CHD7: variants seen among roughly 807,000 people sequenced by gnomAD.
CHD7 encodes the protein chromodomain helicase DNA binding protein 7.
Under a neutral mutation model 307.3 loss-of-function variants are expected in CHD7, and 24 were observed. The ratio of observed to expected loss-of-function variants is 0.08; its 90% CI spans 0.06 to 0.11. The LOEUF is 0.11. Among genes scored for constraint, CHD7 ranks in the 10% least tolerant of loss-of-function variants. CHD7 has a pLI of 1.00. For synonymous variants in CHD7, 1,363 were observed against 1,349.9 expected (o/e 1.01, Z -0.21); for missense variants, 3,106 against 3,727.1 (o/e 0.83, Z 4.34).
At position 60,865,006 on chromosome 8, in the gene CHD7, T is replaced by C. The variant is rs763792709; in HGVS notation, c.8077-10T>C. ...CTTTATAGCCACTGTTTGCCTCCCC[T>C]GTACTCCAGGGTTTTGTTCCTGAGT... is the stretch of plus-strand genomic sequence containing the variant. On this transcript the variant is annotated splice_polypyrimidine_tract_variant and intron_variant, in intron 37 of 37. Coordinates refer to ENST00000423902, the MANE Select transcript of CHD7 (RefSeq NM_017780.4). This position sits in a 1 kb window ranked among gnomAD's most constrained non-coding sequence, Gnocchi z 4.3. 3 of 1,580,196 alleles carry C rather than the reference T, an allele frequency of 1.9e-6. No individual in the cohort carries two copies. The highest frequency in any genetic ancestry group is 2.6e-6 in the Non-Finnish European group (3 of 1,160,522).
rs1389520676 is a variant in CHD7 at position 60,866,935 on chromosome 8, G to C, written c.*1002G>C. 6.6e-6 allele frequency: 1 copy of C among 152,366 alleles called. No homozygotes were observed. The highest frequency in any genetic ancestry group is 1.5e-5 in the Non-Finnish European group (1 of 68,034). 9.4% of individuals were successfully genotyped at this position (152,366 alleles called of 1,614,324 possible). On this transcript the variant is annotated 3_prime_UTR_variant, in exon 38 of 38. Transcript: ENST00000423902. ...TAGAATGTAGTATATAGGGAAACTGGTGTTCACTCTATTTTTTTTGTATTC... is the reference window on the plus strand; with the variant it reads ...TAGAATGTAGTATATAGGGAAACTGCTGTTCACTCTATTTTTTTTGTATTC...
chr8:60,777,731 T>C (rs1811020981), intron 2 of CHD7, among the ~76,000 whole-genome samples: 1 of 152,244 alleles, frequency 6.6e-6, no homozygotes, highest in African/African-American at 2.4e-5. Flanking sequence ...CTTATGGTAA[T>C]GTTTTCAACA....
intron 2 of CHD7, among the ~76,000 whole-genome samples, chr8:60,775,702 C>A (rs958729308): frequency 6.6e-6 from 1 of 152,198 alleles, no homozygotes; most frequent in Non-Finnish European, 1.5e-5. Flanking sequence ...CCCCTTTCCT[C>A]AGTCTATTAA....
At position 60,865,068 on chromosome 8, in the gene CHD7, G is replaced by T; in HGVS notation, c.8129G>T (p.Arg2710Leu). ...CGCCTTCTCACTGGGCCTGTAGTGCGGGGAGAGGGAGCGAGCAGAAGAGGA... is the reference window on the plus strand; with the variant it reads ...CGCCTTCTCACTGGGCCTGTAGTGCTGGGAGAGGGAGCGAGCAGAAGAGGA... ...FDRLLTGPVV[R>L]GEGASRRGRR... Residue 2710 changes from arginine to leucine, a missense_variant, in exon 38 of 38, where the codon CGG (arginine) becomes CTG (leucine). Around this residue, in one of 10 missense-constraint regions of CHD7, gnomAD observed 351 missense variants for 366.2 expected, o/e 0.96. Transcript: ENST00000423902. This position sits in a 1 kb window ranked among gnomAD's most constrained non-coding sequence, Gnocchi z 4.3. 6.2e-7 allele frequency: 1 copy of T among 1,609,698 alleles called. No homozygotes were observed. Among genetic ancestry groups the T allele is most frequent in the East Asian group, 2.2e-5 (1 of 44,744 alleles).
intron 8 of CHD7, among the ~76,000 whole-genome samples, chr8:60,817,211 A>T (rs1803790129): frequency 6.6e-6 from 1 of 152,224 alleles, no homozygotes; most frequent in Admixed American, 6.5e-5. Flanking sequence ...TAGATAAAAG[A>T]AAAACCCTAA....
intron 2 of CHD7, among the ~76,000 whole-genome samples, chr8:60,770,694 A>G (rs1368747886): frequency 6.6e-6 from 1 of 151,880 alleles, no homozygotes; most frequent in African/African-American, 2.4e-5. Context: ...CCCTGTGATG[A>G]TTTACATGGT....
intron 2 of CHD7, among the ~76,000 whole-genome samples, chr8:60,762,684 G>T (rs768839807): frequency 6.6e-6 from 1 of 152,200 alleles, no homozygotes; most frequent in Non-Finnish European, 1.5e-5. Flanking sequence ...CTAGGACTCT[G>T]TTTTTGCTAG....
Position 60,695,576 on chromosome 8 carries a change from T to G in CHD7, c.-175+16494T>G, listed in dbSNP as rs1806426174. Among the ~76,000 whole-genome samples the G allele has an allele frequency of 2.0e-5, 3 of 152,352 alleles. No homozygotes were observed. In the South Asian group the frequency reaches 6.2e-4, roughly 32 times the overall value. On this transcript the variant is annotated intron_variant, in intron 1 of 37. Coordinates refer to ENST00000423902, the MANE Select transcript of CHD7 (RefSeq NM_017780.4). The stretch of plus-strand genomic sequence containing the variant: ...GGAAGCATTGTCTCATGTTTGATGC[T>G]TTAGCAACTCTAATACTTGTGTATG...
rs764021765 is a variant in CHD7 at position 60,865,197 on chromosome 8, T to C, written c.8258T>C (p.Met2753Thr). 7.4e-6 allele frequency: 12 copies of C among 1,611,620 alleles called. No individual in the cohort carries two copies. The South Asian group carries it at 1.3e-4, about 18-fold the overall frequency. ...CTGGTGAACAGCCTGTTTGCTGGAA[T>C]GGACCTGACGAGCCTTCAGAATCTC... ...PLLVNSLFAGMDLTSLQNLQN... is the reference protein window; with the variant it reads ...PLLVNSLFAGTDLTSLQNLQN... The change falls in exon 38 of 38, where the codon ATG (methionine) becomes ACG (threonine). Residue 2753 changes from methionine to threonine, a missense_variant. Transcript: ENST00000423902. The surrounding 1 kb of genome is among the most constrained non-coding windows in gnomAD (Gnocchi z 4.3).
At chr8:60,727,040 G>A (rs902595841) in intron 1 of CHD7, among the ~76,000 whole-genome samples, 4 of 152,166 alleles carry the variant, frequency 2.6e-5, no homozygotes, top group Non-Finnish European at 2.9e-5. Flanking sequence ...AGTGGCAGAC[G>A]TTGTAAATGC....
chr8:60,737,111 G>A (rs150341975), intron 1 of CHD7, among the ~76,000 whole-genome samples: 2 of 151,968 alleles, frequency 1.3e-5, no homozygotes, highest in East Asian at 1.9e-4. Context: ...TTGCGCACCC[G>A]TTGCTTTTAT....
At chr8:60,768,087 A>G (rs1391930157) in intron 2 of CHD7, among the ~76,000 whole-genome samples, 1 of 152,102 alleles carries the variant, frequency 6.6e-6, no homozygotes, top group Non-Finnish European at 1.5e-5. Context: ...TAGTTTTTCA[A>G]ATCAATTTTA....
intron 3 of CHD7, among the ~76,000 whole-genome samples, chr8:60,787,349 C>G (rs1323488071): frequency 6.6e-6 from 1 of 152,146 alleles, no homozygotes; most frequent in Non-Finnish European, 1.5e-5. Flanking sequence ...AGTCCCCCTT[C>G]CTACTTCATA....
intron 21 of CHD7, among the ~76,000 whole-genome samples, chr8:60,842,518 G>A (rs183789169): frequency 6.6e-6 from 1 of 152,298 alleles, no homozygotes; most frequent in Non-Finnish European, 1.5e-5. Flanking sequence ...TTGTGAAAGT[G>A]TTGTATTTTT....
intron 6 of CHD7, among the ~76,000 whole-genome samples, chr8:60,805,552 A>G (rs1347557978): frequency 6.6e-6 from 1 of 152,206 alleles, no homozygotes; most frequent in East Asian, 1.9e-4. Context: ...GATCATGACA[A>G]GAAAATGGGT....
At chr8:60,809,094 T>C (rs2150725635) in intron 7 of CHD7, among the ~76,000 whole-genome samples, 1 of 152,334 alleles carries the variant, frequency 6.6e-6, no homozygotes, top group East Asian at 1.9e-4. Context: ...TCAGAAAATT[T>C]ACCCCACCCT....
rs1010032031 is a variant in CHD7, at chr8:60,742,378, A to G, written c.946A>G (p.Ser316Gly). Residue 316 changes from serine to glycine, a missense_variant, in exon 2 of 38, where the codon AGT (serine) becomes GGT (glycine). By Grantham distance (56) the Ser-to-Gly change is moderately conservative. This residue lies in a region of CHD7 where 998 missense variants were observed against 1,004.5 expected (regional missense o/e 0.99). Transcript: ENST00000423902. ...NSGQYSRYPY[S>G]NLNQGLVNNT... is the part of the protein sequence containing the mutation. ...AGGGCAGTATTCTCGATATCCTTACAGTAACCTAAATCAGGGATTAGTTAA... is the reference window on the plus strand; with the variant it reads ...AGGGCAGTATTCTCGATATCCTTACGGTAACCTAAATCAGGGATTAGTTAA... 7 of 1,613,990 alleles carry G rather than the reference A, an allele frequency of 4.3e-6. No homozygotes were observed. Among genetic ancestry groups the G allele is most frequent in the Middle Eastern group, 1.6e-4 (1 of 6,062 alleles).
At chr8:60,690,842 A>C (rs1806158081) in intron 1 of CHD7, among the ~76,000 whole-genome samples, 1 of 152,158 alleles carries the variant, frequency 6.6e-6, no homozygotes, top group South Asian at 2.1e-4. Flanking sequence ...TACCTAGCAG[A>C]ATGGTTGACA....
intron 2 of CHD7, among the ~76,000 whole-genome samples, chr8:60,758,910 C>T (rs887718824): frequency 6.6e-6 from 1 of 152,142 alleles, no homozygotes; most frequent in African/African-American, 2.4e-5. Flanking sequence ...AGTTGGCTTA[C>T]TTTTTTTCCT....
Sources: gnomAD v4.1 joint callset for allele counts (sites outside exome capture counted in the v4.1 genomes callset) on GRCh38, gnomAD v4.1.1 for gene constraint, gnomAD v4.1.1 regional missense constraint, Gnocchi (gnomAD v3.1) non-coding constraint, MANE v1.5 for transcripts, NCBI Gene and HGNC (gene_info 2026-07-23, HGNC 2026-07-21) for gene names.